Variants in KAT6A observed in about 807,000 individuals in gnomAD.
KAT6A encodes histone acetyltransferase KAT6A.
Under a neutral mutation model 198.4 loss-of-function variants are expected in KAT6A, and 9 were observed. The observed-to-expected ratio is 0.05, with a 90% CI of 0.03 to 0.08. The LOEUF is 0.08. Among genes scored for constraint, KAT6A ranks in the 10% least tolerant of loss-of-function variants. KAT6A has a pLI of 1.00. For synonymous variants in KAT6A, 890 were observed against 883.0 expected (o/e 1.01, Z -0.14); for missense variants, 2,077 against 2,509.9 (o/e 0.83, Z 3.69).
Position 41,933,830 on chromosome 8 carries a change from C to T in KAT6A, c.4390G>A (p.Glu1464Lys), listed in dbSNP as rs920257989. The change falls in exon 17 of 17, where the codon GAG becomes AAG. Residue 1464 changes from glutamate (E) to lysine (K), a missense_variant. By Grantham distance (56) the Glu-to-Lys change is moderately conservative (BLOSUM62 1). Coordinates refer to ENST00000265713, the MANE Select transcript of KAT6A (RefSeq NM_006766.5). The surrounding 1 kb of genome is among the most constrained non-coding windows in gnomAD (Gnocchi z 6.2). Reference sequence around the variant, plus strand: ...TCAACCATGGACATCTGAGGGTCCTCGTCAGCCTGGGTGTAACTCTGCAGG... The same window carrying T: ...TCAACCATGGACATCTGAGGGTCCTTGTCAGCCTGGGTGTAACTCTGCAGG... ...QTLQSYTQAD[E>K]DPQMSMVEDC... The T allele has an allele frequency of 1.2e-6, 2 of 1,614,104 alleles. No individual in the cohort carries two copies. The highest frequency in any genetic ancestry group is 1.7e-5 in the Admixed American group (1 of 60,026).
intron 2 of KAT6A, among the ~76,000 whole-genome samples, chr8:42,023,088 T>G (rs921987753): frequency 6.6e-6 from 1 of 152,186 alleles, no homozygotes; most frequent in South Asian, 2.1e-4. Flanking sequence ...ATACTGAATA[T>G]TGAAGGCAAT....
chr8:42,015,599 T>C (rs1384372195), intron 2 of KAT6A, among the ~76,000 whole-genome samples: 1 of 152,228 alleles, frequency 6.6e-6, no homozygotes, highest in Non-Finnish European at 1.5e-5. Context: ...TATAGATAAA[T>C]TTCAACTCCT....
At chr8:41,971,956 ATT>A (rs1823815830) in intron 8 of KAT6A, among the ~76,000 whole-genome samples, 1 of 152,202 alleles carries the variant, frequency 6.6e-6, no homozygotes, top group South Asian at 2.1e-4. Context: ...TAGAGCTACC[ATT>A]TACTCTTGTT....
intron 8 of KAT6A, among the ~76,000 whole-genome samples, chr8:41,963,113 C>A (rs920536560): frequency 1.3e-5 from 2 of 152,200 alleles, no homozygotes; most frequent in African/African-American, 4.8e-5. Context: ...AAACTGTAAG[C>A]TCCCAAGAGG....
At chr8:41,960,098 G>C (rs1587744469) in intron 8 of KAT6A, among the ~76,000 whole-genome samples, 1 of 140,936 alleles carries the variant, frequency 7.1e-6, no homozygotes, top group African/African-American at 2.6e-5. Context: ...ACCTAGAGTA[G>C]ACAAATTAAT....
intron 2 of KAT6A, among the ~76,000 whole-genome samples, chr8:42,000,064 A>G (rs35208851): frequency 6.6e-6 from 1 of 152,210 alleles, no homozygotes; most frequent in Non-Finnish European, 1.5e-5. Flanking sequence ...GAAATAGGCA[A>G]GTTCATTAAA....
intron 2 of KAT6A, among the ~76,000 whole-genome samples, chr8:42,014,120 T>TAA (rs375690984): frequency 5.4e-5 from 8 of 147,666 alleles, no homozygotes; most frequent in African/African-American, 1.7e-4. Flanking sequence ...TTAGAATTGT[T>TAA]AAAAAAAAAA....
At chr8:41,935,650 T>G (rs1329648877) in intron 16 of KAT6A, among the ~76,000 whole-genome samples, 3 of 152,114 alleles carry the variant, frequency 2.0e-5, no homozygotes, top group Admixed American at 2.0e-4. Flanking sequence ...TACACTCACA[T>G]TGCCTATTAA....
At chr8:41,937,646 C>A in intron 15 of KAT6A, 78 bp from the exon 16 acceptor site, 1 of 1,166,732 alleles carries the variant, frequency 8.6e-7, no homozygotes, top group Non-Finnish European at 1.2e-6. Context: ...AGTTTTAAAA[C>A]CAAATAGAAT....
intron 2 of KAT6A, among the ~76,000 whole-genome samples, chr8:42,035,170 A>G (rs894056005): frequency 6.6e-6 from 1 of 152,218 alleles, no homozygotes; most frequent in Non-Finnish European, 1.5e-5. Context: ...GAGAGAAGAC[A>G]TGGGATGGAA....
At chr8:41,946,554 C>T in intron 12 of KAT6A, 37 bp downstream of exon 12, 1 of 1,078,990 alleles carries the variant, frequency 9.3e-7, no homozygotes, top group Non-Finnish European at 1.4e-6. Flanking sequence ...AGAAGGTCCA[C>T]TGGAAAAGAC....
intron 2 of KAT6A, among the ~76,000 whole-genome samples, chr8:42,035,904 G>A (rs561125987): frequency 5.3e-5 from 8 of 152,270 alleles, no homozygotes; most frequent in African/African-American, 1.7e-4. Context: ...TAAAAAGTGA[G>A]CGAGAAAGAT....
In KAT6A at chr8:42,048,476, G is replaced by A. The variant is rs369777293; in HGVS notation, c.502C>T (p.Arg168Trp). Residue 168 changes from arginine to tryptophan, a missense_variant, in exon 2 of 17, where the codon CGG (arginine) becomes TGG (tryptophan). By Grantham distance (101) the Arg-to-Trp change is moderately radical. Coordinates refer to ENST00000265713, the MANE Select transcript of KAT6A (RefSeq NM_006766.5). ...ACGTTGGTTGCTTTAGTGTTGAGCC[G>A]ATAAAGAGGTCCATCTTTAAGGAGT... The part of the protein sequence containing the change: ...GRLLKDGPLY[R>W]LNTKATNVDG... 63 of 1,613,968 alleles carry A rather than the reference G, an allele frequency of 3.9e-5. No individual in the cohort carries two copies. Among genetic ancestry groups the A allele is most frequent in the African/African-American group, 8.0e-5 (6 of 74,912 alleles).
intron 9 of KAT6A, among the ~76,000 whole-genome samples, chr8:41,952,261 A>G (rs1168162796): frequency 6.6e-6 from 1 of 152,342 alleles, no homozygotes; most frequent in African/African-American, 2.4e-5. Flanking sequence ...AGCATCAAAT[A>G]AAGTCCAGAG....
chr8:42,034,621 T>C (rs895225178), intron 2 of KAT6A, among the ~76,000 whole-genome samples: 3 of 152,244 alleles, frequency 2.0e-5, no homozygotes, highest in Non-Finnish European at 4.4e-5. Context: ...CTGTCCATTA[T>C]AGCAGCTACT....
intron 9 of KAT6A, among the ~76,000 whole-genome samples, chr8:41,950,853 TGATA>T (rs1822633456): frequency 6.6e-6 from 1 of 152,088 alleles, no homozygotes; most frequent in South Asian, 2.1e-4. Flanking sequence ...ATGTTGTACA[TGATA>T]AATATATACA....
chr8:41,937,715 A>C, intron 15 of KAT6A, 147 bp from the exon 16 acceptor site: 1 of 626,956 alleles, frequency 1.6e-6, no homozygotes, highest in Non-Finnish European at 2.7e-6. Flanking sequence ...TTATTTCAAA[A>C]TACTATAGTA....
intron 5 of KAT6A, among the ~76,000 whole-genome samples, chr8:41,979,398 G>A (rs545732912): frequency 6.6e-6 from 1 of 151,162 alleles, no homozygotes; most frequent in Non-Finnish European, 1.5e-5. Context: ...CATCACTTTG[G>A]GGGGCTGAGG....
At chr8:42,012,905 T>C (rs1826088754) in intron 2 of KAT6A, among the ~76,000 whole-genome samples, 1 of 152,144 alleles carries the variant, frequency 6.6e-6, no homozygotes, top group African/African-American at 2.4e-5. Context: ...TATTGACAAC[T>C]ACATGGATGA....
Sources: allele counts gnomAD v4.1 joint callset (sites outside exome capture counted in the v4.1 genomes callset), GRCh38; gene constraint gnomAD v4.1.1; non-coding constraint Gnocchi (gnomAD v3.1); transcripts MANE v1.5; gene names NCBI Gene and HGNC (gene_info 2026-07-23, HGNC 2026-07-21).